Variants in SLIT3 observed in about 807,000 individuals in gnomAD.
SLIT3 encodes slit homolog 3 protein.
SLIT3 carries 68 observed loss-of-function variants against 184.0 expected under a neutral mutation model. The ratio of observed to expected loss-of-function variants is 0.37; its 90% CI spans 0.30 to 0.45. The LOEUF (loss-of-function observed/expected upper bound fraction) is 0.45, where lower values mean the gene tolerates loss of function less well. Ranked by LOEUF, SLIT3 falls within the 20% of genes least tolerant of loss-of-function variation. The pLI is 1.00. For missense variants in SLIT3, 1,707 were observed against 2,026.0 expected (o/e 0.84, Z 3.02); for synonymous variants, 831 against 828.6 (o/e 1.00, Z -0.05).
chr5:169,042,205 T>G (rs1757469635), intron 4 of SLIT3, among the ~76,000 whole-genome samples: 1 of 152,076 alleles, frequency 6.6e-6, no homozygotes, highest in Non-Finnish European at 1.5e-5. Context: ...AGCCCCTCAA[T>G]ACCTTCATAC....
chr5:169,275,575 G>C (rs550910316), intron 1 of SLIT3, among the ~76,000 whole-genome samples: 1 of 152,138 alleles, frequency 6.6e-6, no homozygotes, highest in African/African-American at 2.4e-5. Flanking sequence ...ACTTCCACAC[G>C]GTAGGGGCAG....
At chr5:168,850,392 CT>C (rs11304461) in intron 5 of SLIT3, among the ~76,000 whole-genome samples, 22,022 of 152,208 alleles carry the variant, frequency 0.14, 1,808 homozygotes, top group East Asian at 0.26. Context: ...ACAAAGACCC[CT>C]GTCTATAAAA....
rs1187898765 is a variant in SLIT3 at position 169,137,891 on chromosome 5, C to T, written c.413+55588G>A. On this transcript the variant is annotated intron_variant, in intron 4 of 35. Transcript: ENST00000519560. ...TGGGCTCCTTTTATGACCTTTTCCT[C>T]ATCTCCAGGACTCCTGGGCCCTTGT... Among the ~76,000 whole-genome samples the T allele has an allele frequency of 2.6e-5, 4 of 152,178 alleles. No individual in the cohort carries two copies. The East Asian group carries it at 5.8e-4, about 22-fold the overall frequency.
At chr5:169,038,752 A>G (rs1242298181) in intron 4 of SLIT3, among the ~76,000 whole-genome samples, 21 of 146,868 alleles carry the variant, frequency 1.4e-4, no homozygotes, top group Non-Finnish European at 1.5e-5. Context: ...CCGGCTCCAC[A>G]GCCTGCGTTC....
At chr5:168,707,886 G>GGGT (rs1420568397) in intron 26 of SLIT3, 90 bp downstream of exon 26, 1 of 1,513,412 alleles carries the variant, frequency 6.6e-7, no homozygotes, top group Non-Finnish European at 9.1e-7. Context: ...GGAGAAGGGA[G>GGGT]GGTACGCAGG....
intron 33 of SLIT3, among the ~76,000 whole-genome samples, chr5:168,672,099 ACACCATTCCCTGCC>A (rs1291420319): frequency 1.3e-5 from 2 of 152,044 alleles, no homozygotes; most frequent in Non-Finnish European, 2.9e-5. Context: ...CTCCCCTTCT[ACACCATTCCCTGCC>A]CACCTTCTAT....
At chr5:168,705,152 A>T (rs1485876368) in intron 26 of SLIT3, among the ~76,000 whole-genome samples, 2 of 152,156 alleles carry the variant, frequency 1.3e-5, no homozygotes, top group African/African-American at 4.8e-5. Context: ...ATAGTCAGGG[A>T]TCTTCCACCT....
rs575349920 is a variant in SLIT3 at position 168,760,329 on chromosome 5, T to C, written c.1685+533A>G. Among the ~76,000 whole-genome samples, 15 of 152,276 alleles carry C rather than the reference T, an allele frequency of 9.9e-5. No homozygotes were observed. In the South Asian group the frequency reaches 2.1e-3, roughly 21 times the overall value. ...ATCTCTGGCAGTGGAGAAGCCAACA[T>C]AGGCAAGTGGGCCCTTGCCTAGGCC... is the stretch of plus-strand genomic sequence containing the variant. On this transcript the variant is annotated intron_variant, in intron 16 of 35. Coordinates refer to ENST00000519560, the MANE Select transcript of SLIT3 (RefSeq NM_003062.4).
intron 4 of SLIT3, among the ~76,000 whole-genome samples, chr5:169,097,513 G>A (rs928756725): frequency 6.6e-6 from 1 of 152,182 alleles, no homozygotes; most frequent in Non-Finnish European, 1.5e-5. Flanking sequence ...ACATGTAGAC[G>A]CATTTTCAAA....
chr5:169,155,294 A>C (rs1002732578), intron 4 of SLIT3, among the ~76,000 whole-genome samples: 2 of 152,212 alleles, frequency 1.3e-5, no homozygotes, highest in African/African-American at 2.4e-5. Flanking sequence ...AGACAAAGCA[A>C]GACTGTTCCA....
intron 4 of SLIT3, among the ~76,000 whole-genome samples, chr5:169,098,674 G>C (rs890100235): frequency 6.6e-5 from 10 of 152,192 alleles, no homozygotes; most frequent in African/African-American, 1.4e-4. Flanking sequence ...ACCTACAAAT[G>C]TGTCAAATGA....
chr5:168,980,492 G>T (rs567412993), intron 4 of SLIT3, among the ~76,000 whole-genome samples: 48 of 152,134 alleles, frequency 3.2e-4, no homozygotes, highest in Non-Finnish European at 5.4e-4. Context: ...TTTTGGCAAA[G>T]GTCACCCAGC....
intron 4 of SLIT3, among the ~76,000 whole-genome samples, chr5:169,155,011 T>C (rs948280494): frequency 6.6e-6 from 1 of 152,172 alleles, no homozygotes; most frequent in African/African-American, 2.4e-5. Flanking sequence ...AAAAATCAGC[T>C]CTAAGAATCA....
chr5:168,698,672 C>T (rs948898820), intron 27 of SLIT3, among the ~76,000 whole-genome samples: 1 of 152,094 alleles, frequency 6.6e-6, no homozygotes, highest in African/African-American at 2.4e-5. Context: ...AAGAGGGGAG[C>T]AAAGGGGAGC....
At chr5:169,158,537 TGGA>T (rs1322080705) in intron 4 of SLIT3, among the ~76,000 whole-genome samples, 1 of 152,066 alleles carries the variant, frequency 6.6e-6, no homozygotes, top group Non-Finnish European at 1.5e-5. Context: ...GGAAGAACAA[TGGA>T]AAGAGTAAAA....
At chr5:169,187,488 G>A (rs1296286828) in intron 4 of SLIT3, among the ~76,000 whole-genome samples, 2 of 151,984 alleles carry the variant, frequency 1.3e-5, no homozygotes, top group Non-Finnish European at 2.9e-5. Context: ...GGGCCAAAAG[G>A]AGCCCCTTGG....
Position 169,070,874 on chromosome 5 carries a change from T to TA in SLIT3, c.413+122604dup, listed in dbSNP as rs1183238709. On this transcript the variant is annotated intron_variant, in intron 4 of 35. Transcript: ENST00000519560. ...GAAGCCCTAACTTCCAAATTAACCTTAAAAAAACATTTAGAATCACATGTT... is the reference window on the plus strand; with the variant it reads ...GAAGCCCTAACTTCCAAATTAACCTTAAAAAAAACATTTAGAATCACATGTT... 2.6e-5 allele frequency among the ~76,000 whole-genome samples: 4 copies of TA among 151,838 alleles called. 1 individual carries two copies. Among genetic ancestry groups the TA allele is most frequent in the African/African-American group, 7.2e-5 (3 of 41,442 alleles).
chr5:169,101,211 T>G (rs1004563214), intron 4 of SLIT3, among the ~76,000 whole-genome samples: 3 of 152,110 alleles, frequency 2.0e-5, no homozygotes, highest in African/African-American at 2.4e-5. Flanking sequence ...CAATAACACT[T>G]TGGTTTTTGC....
intron 4 of SLIT3, chr5:169,017,702 G>A (rs1756443251): frequency 1.3e-5 from 2 of 152,258 alleles, no homozygotes; most frequent in African/African-American, 4.8e-5. Flanking sequence ...ATTCTAAAGA[G>A]GTGTCAAAAG....
Sources: allele counts gnomAD v4.1 joint callset (sites outside exome capture counted in the v4.1 genomes callset), GRCh38; gene constraint gnomAD v4.1.1; transcripts MANE v1.5; gene names NCBI Gene and HGNC (gene_info 2026-07-23, HGNC 2026-07-21).